MRPL1: variants seen among roughly 807,000 people sequenced by gnomAD.
MRPL1 encodes the protein mitochondrial ribosomal protein L1.
MRPL1 carries 28 observed loss-of-function variants against 38.0 expected under a neutral mutation model. The ratio of observed to expected loss-of-function variants is 0.74; its 90% CI spans 0.55 to 1.01. MRPL1 has a LOEUF of 1.01. Among genes scored for constraint, MRPL1 ranks in the 50% least tolerant of loss-of-function variants. MRPL1 has a pLI of 0.00. For missense variants in MRPL1, 358 were observed against 389.8 expected (o/e 0.92, Z 0.69); for synonymous variants, 123 against 126.7 (o/e 0.97, Z 0.20).
rs1428581785 is a variant in MRPL1 at position 77,883,380 on chromosome 4, A to G, written c.282A>G (p.Arg94=). 3 of 1,614,008 alleles carry G rather than the reference A, an allele frequency of 1.9e-6. No homozygotes were observed. The highest frequency in any genetic ancestry group is 3.3e-5 in the Admixed American group (2 of 60,020). ...TCTATTTAAAACGCTTATACCCGAG[A>G]CAGATATATGAGGTGGAGAAAGCTG... ...DDVYLKRLYP[R]QIYEVEKAVH... is the part of the protein sequence containing the mutation. Residue 94 remains arginine (R), a synonymous_variant, in exon 3 of 9, where the codon AGA becomes AGG. Coordinates refer to ENST00000315567, the MANE Select transcript of MRPL1 (RefSeq NM_020236.4).
intron 8 of MRPL1, among the ~76,000 whole-genome samples, chr4:77,950,783 C>T (rs1382477019): frequency 1.3e-5 from 2 of 152,148 alleles, no homozygotes; most frequent in Non-Finnish European, 2.9e-5. Context: ...AGATGATGGA[C>T]AGTAAATCCT....
At chr4:77,911,989 G>T (rs1736300150) in intron 7 of MRPL1, among the ~76,000 whole-genome samples, 1 of 152,106 alleles carries the variant, frequency 6.6e-6, no homozygotes, top group Middle Eastern at 3.2e-3. Flanking sequence ...AAAAACAAAA[G>T]CCATATGAGC....
chr4:77,885,387 A>C, intron 4 of MRPL1, 48 bp downstream of exon 4: 1 of 1,383,466 alleles, frequency 7.2e-7, no homozygotes, highest in South Asian at 1.2e-5. Flanking sequence ...TTTTTTTTTG[A>C]GACGGAGTCT....
chr4:77,948,309 G>T (rs565977393), intron 7 of MRPL1, among the ~76,000 whole-genome samples: 1 of 152,160 alleles, frequency 6.6e-6, no homozygotes, highest in African/African-American at 2.4e-5. Context: ...GGGAATTGAA[G>T]GCAGGGACAC....
At chr4:77,884,442 C>T (rs1735626754) in intron 3 of MRPL1, among the ~76,000 whole-genome samples, 1 of 152,328 alleles carries the variant, frequency 6.6e-6, no homozygotes, top group Admixed American at 6.5e-5. Context: ...TCTGTAAAAT[C>T]TCCCTGAGAG....
At chr4:77,902,366 C>T (rs988372021) in intron 6 of MRPL1, among the ~76,000 whole-genome samples, 1 of 121,240 alleles carries the variant, frequency 8.2e-6, no homozygotes, top group Non-Finnish European at 1.6e-5. Context: ...GCCAGGGCAA[C>T]ATAGTGAGAC....
Position 77,862,846 on chromosome 4 carries a change from A to C in MRPL1, c.-3A>C, listed in dbSNP as rs760518378. 2 of 1,614,142 alleles carry C rather than the reference A, an allele frequency of 1.2e-6. No homozygotes were observed. Among genetic ancestry groups the C allele is most frequent in the East Asian group, 4.5e-5 (2 of 44,868 alleles). On this transcript the variant is annotated 5_prime_UTR_variant, in exon 1 of 9. Transcript: ENST00000315567. ...TTCGTGAACGCAATCCGGAGTGCCC[A>C]ACATGGCGGCGGCCGTAAGGTGCAT... is the stretch of plus-strand genomic sequence containing the variant.
At chr4:77,916,457 C>A (rs1048951914) in intron 7 of MRPL1, among the ~76,000 whole-genome samples, 1 of 152,116 alleles carries the variant, frequency 6.6e-6, no homozygotes, top group Admixed American at 6.5e-5. Flanking sequence ...CCTTTCCCTG[C>A]AATTGTTTTC....
chr4:77,863,701 A>G (rs1735058627), intron 1 of MRPL1, among the ~76,000 whole-genome samples: 2 of 152,140 alleles, frequency 1.3e-5, no homozygotes, highest in Non-Finnish European at 2.9e-5. Flanking sequence ...TCCTAATCGC[A>G]GGTGATCCGC....
At chr4:77,890,290 G>A (rs540017542) in intron 5 of MRPL1, among the ~76,000 whole-genome samples, 5 of 152,266 alleles carry the variant, frequency 3.3e-5, no homozygotes, top group African/African-American at 1.2e-4. Flanking sequence ...TATCCACCAC[G>A]ATCAAGTGGG....
chr4:77,903,454 G>A (rs796534169), intron 6 of MRPL1, among the ~76,000 whole-genome samples: 8 of 152,308 alleles, frequency 5.3e-5, no homozygotes, highest in African/African-American at 1.7e-4. Flanking sequence ...CAGTGCTTAT[G>A]TTCAACATTG....
rs746641283 is a variant in MRPL1 at position 77,871,845 on chromosome 4, G to C, written c.133G>C (p.Ala45Pro). The C allele has an allele frequency of 1.1e-5, 17 of 1,587,588 alleles. No homozygotes were observed. Among genetic ancestry groups the C allele is most frequent in the Non-Finnish European group, 1.5e-5 (17 of 1,168,320 alleles). Residue 45 changes from alanine to proline, a missense_variant, in exon 2 of 9, where the codon GCT becomes CCT. Ala to Pro is a conservative substitution (Grantham distance 27, BLOSUM62 -1). Transcript: ENST00000315567. The stretch of plus-strand genomic sequence containing the variant: ...CCGAGTGCCCAACAGACATTTTGCT[G>C]CTGCTACAAAGTAAGTATTTTTTTT... ...NIRVPNRHFA[A>P]ATKSAKKTKK...
At chr4:77,914,835 G>A (rs1041001080) in intron 7 of MRPL1, among the ~76,000 whole-genome samples, 4 of 152,092 alleles carry the variant, frequency 2.6e-5, no homozygotes, top group Non-Finnish European at 5.9e-5. Context: ...CCTTATTTTG[G>A]ATAAAAGGAA....
In MRPL1 at chr4:77,909,389, A is replaced by G. The variant is rs760881489; in HGVS notation, c.777+17A>G. The G allele has an allele frequency of 1.5e-6, 2 of 1,346,176 alleles. No individual in the cohort carries two copies. Among genetic ancestry groups the G allele is most frequent in the Non-Finnish European group, 2.1e-6 (2 of 950,110 alleles). The allele number at this position is 1,346,176 out of a possible 1,614,324, so 83.4% of individuals were successfully genotyped here. A position where few individuals can be genotyped will look rare whatever the true frequency, so the allele number is the denominator to read the frequency against. On this transcript the variant is annotated intron_variant, in intron 7 of 8. Coordinates refer to ENST00000315567, the MANE Select transcript of MRPL1 (RefSeq NM_020236.4). ...ATAGCAACAGTAAGTTACAATGAAA[A>G]TTATCAAATAATCCTCTTTTTTTGT...
At chr4:77,864,157 T>C (rs1195229098) in intron 1 of MRPL1, among the ~76,000 whole-genome samples, 2 of 152,166 alleles carry the variant, frequency 1.3e-5, no homozygotes. Context: ...GTTGAAGGCA[T>C]CTTCATGTAT....
chr4:77,883,577 T>C, intron 3 of MRPL1, 77 bp downstream of exon 3: 1 of 1,367,230 alleles, frequency 7.3e-7, no homozygotes, highest in South Asian at 1.6e-5. Context: ...TTTATTTTAT[T>C]GTTATTATTA....
chr4:77,941,310 G>T (rs1183829746), intron 7 of MRPL1, among the ~76,000 whole-genome samples: 1 of 151,760 alleles, frequency 6.6e-6, no homozygotes, highest in Non-Finnish European at 1.5e-5. Flanking sequence ...ATTCGTCAGA[G>T]ATATTGATCT....
rs113390586 is a variant in MRPL1, at chr4:77,929,227, T to C, written c.777+19855T>C. 2.1e-3 allele frequency among the ~76,000 whole-genome samples: 325 copies of C among 152,240 alleles called. 3 individuals are homozygous for C. Among genetic ancestry groups the C allele is most frequent in the Middle Eastern group, 0.01 (3 of 294 alleles). ...ATCTCTTGAGCCTGTGAGTTCAAGATCATTCTGGGCAACATAGCAAGATCC... is the reference window on the plus strand; with the variant it reads ...ATCTCTTGAGCCTGTGAGTTCAAGACCATTCTGGGCAACATAGCAAGATCC... On this transcript the variant is annotated intron_variant, in intron 7 of 8. Coordinates refer to ENST00000315567, the MANE Select transcript of MRPL1 (RefSeq NM_020236.4).
At chr4:77,874,132 G>A (rs538920847) in intron 2 of MRPL1, among the ~76,000 whole-genome samples, 8 of 151,792 alleles carry the variant, frequency 5.3e-5, no homozygotes, top group East Asian at 3.9e-4. Context: ...CTAAGTAGGC[G>A]CCTGCCACCA....
Sources: allele counts gnomAD v4.1 joint callset (sites outside exome capture counted in the v4.1 genomes callset), GRCh38; gene constraint gnomAD v4.1.1; transcripts MANE v1.5; gene names NCBI Gene and HGNC (gene_info 2026-07-23, HGNC 2026-07-21).